The following ULK4 variants were observed in gnomAD, a reference collection of about 807,000 sequenced individuals.
The protein encoded by ULK4 is unc-51 like kinase 4.
ULK4 carries 133 observed loss-of-function variants against 160.6 expected under a neutral mutation model. The observed-to-expected ratio is 0.83, with a 90% CI of 0.72 to 0.96. The LOEUF (loss-of-function observed/expected upper bound fraction) is 0.96, where lower values mean the gene tolerates loss of function less well. ULK4 is among the 40% of genes least tolerant of loss of function. ULK4 has a pLI of 0.00. For missense variants in ULK4, 1,580 were observed against 1,499.5 expected (o/e 1.05, Z -0.89); for synonymous variants, 534 against 539.8 (o/e 0.99, Z 0.15).
chr3:41,598,180 C>T (rs912605378), intron 31 of ULK4, among the ~76,000 whole-genome samples: 22 of 152,152 alleles, frequency 1.4e-4, no homozygotes, highest in Admixed American at 1.3e-3. Flanking sequence ...CCCTCCCAAT[C>T]AGCCACCAGA....
chr3:41,431,547 C>CTTTTTTTTTTTTTTTTT lies in ULK4; in HGVS notation c.3492+23949_3492+23950insAAAAAAAAAAAAAAAAA, dbSNP rs1553664758. On this transcript the variant is annotated intron_variant, in intron 34 of 36. Coordinates refer to ENST00000301831, the MANE Select transcript of ULK4 (RefSeq NM_017886.4). Reference sequence around the variant, plus strand: ...CCTGTGAGGTGTTGTAATTCCCTCCCTTTTTTTTTTTTTTTGATGTGGAAA... The same window carrying CTTTTTTTTTTTTTTTTT: ...CCTGTGAGGTGTTGTAATTCCCTCCCTTTTTTTTTTTTTTTTTTTTTTTTTTTTTTTTGATGTGGAAA... Among the ~76,000 whole-genome samples, 39 of 95,836 alleles carry CTTTTTTTTTTTTTTTTT rather than the reference C, an allele frequency of 4.1e-4. 1 individual carries two copies. Among genetic ancestry groups the CTTTTTTTTTTTTTTTTT allele is most frequent in the African/African-American group, 6.3e-4 (15 of 23,672 alleles). The allele number at this position is 95,836 out of a possible 152,430, so 62.9% of individuals were successfully genotyped here. A position where few individuals can be genotyped will look rare whatever the true frequency, so the allele number is the denominator to read the frequency against.
intron 19 of ULK4, among the ~76,000 whole-genome samples, chr3:41,804,787 C>A (rs34982768): frequency 0.088 from 13,275 of 151,272 alleles, 1,566 homozygotes; most frequent in African/African-American, 0.27. Flanking sequence ...AAGATCAGAT[C>A]GTTGTAGATA....
chr3:41,769,341 C>G (rs2039274774), intron 21 of ULK4, among the ~76,000 whole-genome samples: 1 of 152,126 alleles, frequency 6.6e-6, no homozygotes, highest in African/African-American at 2.4e-5. Context: ...TCTCACAACA[C>G]TTGAGGAGAG....
At chr3:41,807,324 T>A (rs1293725535) in intron 19 of ULK4, among the ~76,000 whole-genome samples, 1 of 152,162 alleles carries the variant, frequency 6.6e-6, no homozygotes, top group Non-Finnish European at 1.5e-5. Context: ...AGGTCTTGGA[T>A]TGTAGGGAGG....
intron 19 of ULK4, among the ~76,000 whole-genome samples, 179 bp from the exon 20 acceptor site, chr3:41,800,472 T>A (rs1009510562): frequency 6.6e-6 from 1 of 152,188 alleles, no homozygotes; most frequent in Non-Finnish European, 1.5e-5. Flanking sequence ...AAATAATCAT[T>A]TGGTTATTCA....
chr3:41,558,447 G>T (rs910358187), intron 32 of ULK4, among the ~76,000 whole-genome samples: 2 of 152,094 alleles, frequency 1.3e-5, no homozygotes, highest in Non-Finnish European at 2.9e-5. Context: ...GCTCATGCCT[G>T]TAGTCCCAGC....
intron 35 of ULK4, among the ~76,000 whole-genome samples, chr3:41,297,157 C>T (rs2079685328): frequency 6.6e-6 from 1 of 152,208 alleles, no homozygotes; most frequent in Non-Finnish European, 1.5e-5. Context: ...CCCAATTTCT[C>T]TCCCTCCTGC....
At chr3:41,936,257 C>T (rs1012005200) in intron 3 of ULK4, among the ~76,000 whole-genome samples, 2 of 152,184 alleles carry the variant, frequency 1.3e-5, no homozygotes, top group Admixed American at 1.3e-4. Flanking sequence ...AAACTGTGCA[C>T]TTAAATCACA....
At chr3:41,595,366 T>G (rs138829920) in intron 31 of ULK4, among the ~76,000 whole-genome samples, 3 of 152,106 alleles carry the variant, frequency 2.0e-5, no homozygotes, top group Admixed American at 6.5e-5. Flanking sequence ...CCAGGTAAGA[T>G]AGCTGGCTGG....
chr3:41,254,608 G>A (rs754718102), intron 35 of ULK4, among the ~76,000 whole-genome samples: 13 of 152,238 alleles, frequency 8.5e-5, no homozygotes, highest in East Asian at 3.9e-4. Context: ...AGGGCCGGGC[G>A]CGGTGGCTCA....
chr3:41,440,776 G>A (rs576717739), intron 34 of ULK4, among the ~76,000 whole-genome samples: 1 of 152,000 alleles, frequency 6.6e-6, no homozygotes. Context: ...TCTGGCACTG[G>A]AGGCTTCCTT....
chr3:41,882,001 A>T, intron 17 of ULK4: 1 of 532,916 alleles, frequency 1.9e-6, no homozygotes, highest in East Asian at 3.1e-5. Context: ...AGCAGCAGCA[A>T]CAGCAAGTAC....
chr3:41,892,410 C>G (rs762539729), intron 16 of ULK4, among the ~76,000 whole-genome samples: 8 of 152,202 alleles, frequency 5.3e-5, no homozygotes, highest in Non-Finnish European at 1.0e-4. Context: ...TTCACAGCAG[C>G]ATTGTTCACA....
At chr3:41,403,210 T>C (rs2082220916) in intron 34 of ULK4, among the ~76,000 whole-genome samples, 1 of 152,044 alleles carries the variant, frequency 6.6e-6, no homozygotes, top group African/African-American at 2.4e-5. Context: ...AATTGTTTGG[T>C]AAAATTTTCC....
chr3:41,938,111 C>T lies in ULK4; in HGVS notation c.225G>A (p.Val75=), dbSNP rs1387260242. Reference sequence around the variant, plus strand: ...ACTCTTTCTTACCTGTGCAGAGTTCCACCACTAGCCAGAGGTGGTTGCTTG... The same window carrying T: ...ACTCTTTCTTACCTGTGCAGAGTTCTACCACTAGCCAGAGGTGGTTGCTTG... The part of the protein sequence containing the change: ...YETSNHLWLV[V]ELCTGGSLKT... Residue 75 remains valine, a synonymous_variant, in exon 3 of 37, where the codon GTG becomes GTA. Transcript: ENST00000301831. 1.2e-6 allele frequency: 2 copies of T among 1,611,694 alleles called. No homozygotes were observed. Among genetic ancestry groups the T allele is most frequent in the South Asian group, 2.2e-5 (2 of 90,788 alleles).
At chr3:41,767,931 C>A (rs891922573) in intron 21 of ULK4, among the ~76,000 whole-genome samples, 1 of 152,142 alleles carries the variant, frequency 6.6e-6, no homozygotes, top group Admixed American at 6.5e-5. Context: ...TCCCCAACCC[C>A]CAGGCCACAG....
At position 41,789,829 on chromosome 3, in the gene ULK4, G is replaced by A. The variant is rs1343606841; in HGVS notation, c.2025C>T (p.Ile675=). The A allele has an allele frequency of 6.2e-7, 1 of 1,609,738 alleles. No individual in the cohort carries two copies. Among genetic ancestry groups the A allele is most frequent in the Admixed American group, 1.7e-5 (1 of 59,304 alleles). The change falls in exon 21 of 37, where the codon ATC becomes ATT. Residue 675 remains isoleucine, a synonymous_variant. Transcript: ENST00000301831. ...RITAVSALCR[I]TRHSPTAFQN... is the part of the protein sequence containing the mutation. The stretch of plus-strand genomic sequence containing the variant: ...GGAAGGCAGTAGGAGAATGGCGAGT[G>A]ATTCTACACAAGGCCTACAAAGACA...
chr3:41,373,649 A>C (rs2081419130), intron 35 of ULK4, among the ~76,000 whole-genome samples: 1 of 152,236 alleles, frequency 6.6e-6, no homozygotes, highest in South Asian at 2.1e-4. Flanking sequence ...GTTTAGAGGG[A>C]AATTAATAGC....
intron 32 of ULK4, among the ~76,000 whole-genome samples, chr3:41,494,126 A>T (rs1388158813): frequency 8.4e-6 from 1 of 118,936 alleles, no homozygotes; most frequent in East Asian, 2.0e-4. Context: ...GACACAACCA[A>T]AAAAGAGAAT....
Sources: allele counts gnomAD v4.1 joint callset (sites outside exome capture counted in the v4.1 genomes callset), GRCh38; gene constraint gnomAD v4.1.1; transcripts MANE v1.5; gene names NCBI Gene and HGNC (gene_info 2026-07-23, HGNC 2026-07-21).